The following SPINK5 variants were observed in gnomAD, a reference collection of about 807,000 sequenced individuals.
The protein encoded by SPINK5 is serine protease inhibitor Kazal-type 5.
SPINK5 carries 125 observed loss-of-function variants against 151.8 expected under a neutral mutation model. The ratio of observed to expected loss-of-function variants is 0.82; its 90% CI spans 0.71 to 0.96. SPINK5 has a LOEUF of 0.96. Among genes scored for constraint, SPINK5 ranks in the 40% least tolerant of loss-of-function variants. The pLI is 0.00. For synonymous variants in SPINK5, 374 were observed against 395.3 expected (o/e 0.95, Z 0.64); for missense variants, 1,194 against 1,291.9 (o/e 0.92, Z 1.16).
chr5:148,123,441 C>CTATATATA (rs1416361269), intron 26 of SPINK5, among the ~76,000 whole-genome samples: 1,408 of 65,318 alleles, frequency 0.022, 42 homozygotes, highest in African/African-American at 0.053. Flanking sequence ...TATTATCTAT[C>CTATATATA]TATCTATATA....
intron 21 of SPINK5, among the ~76,000 whole-genome samples, chr5:148,115,233 A>G (rs1052404684): frequency 3.3e-5 from 5 of 152,184 alleles, no homozygotes; most frequent in African/African-American, 1.2e-4. Context: ...AGAAGAAGGG[A>G]ACAGCAAGAG....
At chr5:148,088,797 T>G (rs1238656153) in intron 6 of SPINK5, among the ~76,000 whole-genome samples, 192 bp downstream of exon 6, 1 of 151,028 alleles carries the variant, frequency 6.6e-6, no homozygotes, top group Non-Finnish European at 1.5e-5. Context: ...ATCAGATTAC[T>G]TTGGTGGTTA....
intron 21 of SPINK5, 77 bp from the exon 22 acceptor site, chr5:148,116,293 T>C (rs1377733016): frequency 5.6e-6 from 8 of 1,425,700 alleles, no homozygotes; most frequent in African/African-American, 4.2e-5. Context: ...GATTTGTTCA[T>C]ATAATGAGAA....
At position 148,099,501 on chromosome 5, in the gene SPINK5, CA is replaced by C. The variant is rs3214448; in HGVS notation, c.1092+204del. On this transcript the variant is annotated intron_variant, in intron 12 of 32. Coordinates refer to ENST00000256084, the MANE Select transcript of SPINK5 (RefSeq NM_006846.4). ...TCTTGCTGATTAAAAACTAACTCTGCAAAAAAAAAAAAAAAAAATTGTTTAA... is the reference window on the plus strand; with the variant it reads ...TCTTGCTGATTAAAAACTAACTCTGCAAAAAAAAAAAAAAAAATTGTTTAA... Among the ~76,000 whole-genome samples, 4,365 of 141,494 alleles carry C rather than the reference CA, an allele frequency of 0.031. 116 individuals are homozygous for C. Among genetic ancestry groups the C allele is most frequent in the African/African-American group, 0.071 (2,785 of 39,450 alleles). The allele number at this position is 141,494 out of a possible 152,430, so 92.8% of individuals were successfully genotyped here. A position where few individuals can be genotyped will look rare whatever the true frequency, so the allele number is the denominator to read the frequency against.
At chr5:148,086,958 TATATA>T (rs67406256) in intron 5 of SPINK5, among the ~76,000 whole-genome samples, 98,507 of 148,286 alleles carry the variant, frequency 0.66, 32,942 homozygotes, top group East Asian at 0.8. Flanking sequence ...TATAACAGAT[TATATA>T]ATATATTTAC....
chr5:148,128,603 A>G (rs1198826707), intron 30 of SPINK5, among the ~76,000 whole-genome samples: 1 of 151,980 alleles, frequency 6.6e-6, no homozygotes, highest in Non-Finnish European at 1.5e-5. Context: ...ATCTCGGCTC[A>G]CTGCAAGCTC....
intron 2 of SPINK5, among the ~76,000 whole-genome samples, chr5:148,065,776 G>GTATAT (rs1266302169): frequency 6.6e-6 from 1 of 152,154 alleles, no homozygotes; most frequent in East Asian, 1.9e-4. Context: ...TCTGTATCTT[G>GTATAT]TATATAGTCG....
chr5:148,097,414 T>C (rs1254766473), intron 10 of SPINK5, among the ~76,000 whole-genome samples: 1 of 152,064 alleles, frequency 6.6e-6, no homozygotes, highest in East Asian at 1.9e-4. Context: ...AATAGCATGT[T>C]CTTTCACACC....
chr5:148,082,532 G>A (rs1313845314), intron 4 of SPINK5, among the ~76,000 whole-genome samples: 1 of 149,392 alleles, frequency 6.7e-6, no homozygotes, highest in African/African-American at 2.4e-5. Context: ...ATGTAGTATT[G>A]ATTATTTGTT....
At chr5:148,095,151 A>G (rs1333077323) in intron 9 of SPINK5, among the ~76,000 whole-genome samples, 1 of 151,970 alleles carries the variant, frequency 6.6e-6, no homozygotes, top group Admixed American at 6.6e-5. Context: ...TCCTTCCCTA[A>G]TTGAAATTAA....
chr5:148,116,298 T>G, intron 21 of SPINK5, 72 bp from the exon 22 acceptor site: 8 of 1,477,776 alleles, frequency 5.4e-6, no homozygotes, highest in Non-Finnish European at 7.6e-6. Flanking sequence ...GTTCATATAA[T>G]GAGAAACTCA....
chr5:148,068,578 A>AAAAAG (rs1554101972), intron 2 of SPINK5, among the ~76,000 whole-genome samples: 19 of 74,392 alleles, frequency 2.6e-4, no homozygotes, highest in Non-Finnish European at 3.3e-4. Context: ...AAAAAAAAAA[A>AAAAAG]AAAGAAAGAA....
At chr5:148,126,197 A>G (rs1176170252) in intron 29 of SPINK5, among the ~76,000 whole-genome samples, 1 of 152,130 alleles carries the variant, frequency 6.6e-6, no homozygotes, top group African/African-American at 2.4e-5. Flanking sequence ...AAATTTTTAC[A>G]CCCCAAAATA....
chr5:148,131,426 T>C, intron 31 of SPINK5, 37 bp downstream of exon 31: 1 of 1,613,100 alleles, frequency 6.2e-7, no homozygotes, highest in South Asian at 1.1e-5. Context: ...TCTTCCAGTT[T>C]AGAATTTCTC....
intron 32 of SPINK5, among the ~76,000 whole-genome samples, chr5:148,136,271 A>G (rs1039731122): frequency 3.3e-5 from 5 of 152,178 alleles, no homozygotes; most frequent in South Asian, 2.1e-4. Flanking sequence ...TCTTATCTAT[A>G]TCTGTCAATT....
chr5:148,114,794 C>T (rs1382986163), intron 21 of SPINK5, among the ~76,000 whole-genome samples: 1 of 152,166 alleles, frequency 6.6e-6, no homozygotes, highest in Non-Finnish European at 1.5e-5. Context: ...TCTGGATTAT[C>T]TCGCAACTCA....
intron 10 of SPINK5, 72 bp downstream of exon 10, chr5:148,095,977 T>G: frequency 8.9e-7 from 1 of 1,124,574 alleles, no homozygotes; most frequent in Non-Finnish European, 1.4e-6. Context: ...AGAGAGTGCA[T>G]ATTACATAGT....
rs73271175 is a variant in SPINK5, at chr5:148,130,929, G to A, written c.2965-330G>A. 0.013 allele frequency among the ~76,000 whole-genome samples: 1,980 copies of A among 152,166 alleles called. 46 individuals are homozygous for A. Among genetic ancestry groups the A allele is most frequent in the African/African-American group, 0.045 (1,866 of 41,530 alleles). The stretch of plus-strand genomic sequence containing the variant: ...AACCAATACCTTCACTTAAAAAGGC[G>A]AATATTATTTCTGGCATGCCTATCA... On this transcript the variant is annotated intron_variant, in intron 30 of 32. Transcript: ENST00000256084.
chr5:148,108,985 C>T (rs1172628949), intron 18 of SPINK5, 148 bp downstream of exon 18: 6 of 1,365,460 alleles, frequency 4.4e-6, no homozygotes, highest in Middle Eastern at 2.0e-4. Context: ...CAAGAGTACT[C>T]CCCTTTCCTT....
Sources: gnomAD v4.1 joint callset for allele counts (sites outside exome capture counted in the v4.1 genomes callset) on GRCh38, gnomAD v4.1.1 for gene constraint, MANE v1.5 for transcripts, NCBI Gene and HGNC (gene_info 2026-07-23, HGNC 2026-07-21) for gene names.